CDA: variants seen among roughly 807,000 people sequenced by gnomAD.
CDA encodes cytidine deaminase.
In CDA, 7 loss-of-function variants were observed where a neutral mutation model predicts 15.0. That is an observed-to-expected ratio of 0.47 (90% CI 0.26 to 0.87). CDA has a LOEUF of 0.87. Ranked by LOEUF, CDA falls within the 40% of genes least tolerant of loss-of-function variation. CDA has a pLI of 0.15. For synonymous variants in CDA, 58 were observed against 73.0 expected (o/e 0.79, Z 1.05); for missense variants, 159 against 182.7 (o/e 0.87, Z 0.75).
intron 2 of CDA, among the ~76,000 whole-genome samples, chr1:20,613,484 C>A (rs146943036): frequency 2.0e-5 from 3 of 152,342 alleles, no homozygotes; most frequent in African/African-American, 7.2e-5. Context: ...GGATTACAGG[C>A]GTGAGCTACC....
intron 3 of CDA, among the ~76,000 whole-genome samples, chr1:20,614,488 C>G (rs985643219): frequency 1.3e-5 from 2 of 152,186 alleles, no homozygotes; most frequent in Non-Finnish European, 2.9e-5. Context: ...TGAGCCATTA[C>G]GACAAAGGCC....
chr1:20,618,898 C>T lies in CDA; in HGVS notation c.*330C>T, dbSNP rs960491774. The stretch of plus-strand genomic sequence containing the variant: ...TCTAATTATAAACATCACAGAACAT[C>T]CTGGATCAAAGCGTGTGTCTTGCTC... On this transcript the variant is annotated 3_prime_UTR_variant, in exon 4 of 4. Transcript: ENST00000375071. 2.8e-6 allele frequency: 1 copy of T among 355,460 alleles called. No homozygotes were observed. The highest frequency in any genetic ancestry group is 2.1e-5 in the African/African-American group (1 of 47,360). The allele number at this position is 355,460 out of a possible 1,614,324, so 22.0% of individuals were successfully genotyped here.
chr1:20,590,810 G>A (rs1009231013), intron 1 of CDA, among the ~76,000 whole-genome samples: 23 of 152,170 alleles, frequency 1.5e-4, no homozygotes, highest in Admixed American at 1.0e-3. Context: ...AATGAGATGA[G>A]TACGTTTGGA....
At chr1:20,609,652 G>C (rs769243138) in intron 2 of CDA, among the ~76,000 whole-genome samples, 4 of 152,212 alleles carry the variant, frequency 2.6e-5, no homozygotes, top group Non-Finnish European at 5.9e-5. Context: ...TCCCCCTCCA[G>C]AGGGTAAGCT....
chr1:20,602,693 TATA>T (rs200108464), intron 1 of CDA, among the ~76,000 whole-genome samples: 2,581 of 152,318 alleles, frequency 0.017, 72 homozygotes, highest in African/African-American at 0.059. Flanking sequence ...GTGCTGGGAT[TATA>T]GGCTTGAGCC....
chr1:20,602,613 G>A (rs1557548016), intron 1 of CDA, among the ~76,000 whole-genome samples: 1 of 152,020 alleles, frequency 6.6e-6, no homozygotes, highest in African/African-American at 2.4e-5. Context: ...TAGTAGACAG[G>A]GTTTCACCAT....
intron 1 of CDA, among the ~76,000 whole-genome samples, chr1:20,595,766 G>A (rs1052248032): frequency 7.9e-5 from 12 of 151,082 alleles, no homozygotes; most frequent in African/African-American, 2.0e-4. Flanking sequence ...CCTGAGCCCC[G>A]GTGGTGGAGA....
chr1:20,589,154 A>G lies in CDA; in HGVS notation c.25A>G (p.Thr9Ala), dbSNP rs1570373217. ...CATGGCCCAGAAGCGTCCTGCCTGC[A>G]CCCTGAAGCCTGAGTGTGTCCAGCA... The part of the protein sequence containing the change: MAQKRPAC[T>A]LKPECVQQLL... The change falls in exon 1 of 4, where the codon ACC becomes GCC. Residue 9 changes from threonine to alanine, a missense_variant. By Grantham distance (58) the Thr-to-Ala change is moderately conservative. Coordinates refer to ENST00000375071, the MANE Select transcript of CDA (RefSeq NM_001785.3). The G allele has an allele frequency of 6.2e-7, 1 of 1,614,082 alleles. No homozygotes were observed. The highest frequency in any genetic ancestry group is 1.1e-5 in the South Asian group (1 of 91,082).
At chr1:20,593,304 C>T (rs2052565330) in intron 1 of CDA, among the ~76,000 whole-genome samples, 1 of 152,102 alleles carries the variant, frequency 6.6e-6, no homozygotes, top group African/African-American at 2.4e-5. Context: ...ATTTAGATGA[C>T]CTCCTGTAAT....
chr1:20,591,845 T>G (rs7531198), intron 1 of CDA, among the ~76,000 whole-genome samples: 15,789 of 145,112 alleles, frequency 0.11, 931 homozygotes, highest in African/African-American at 0.14. Context: ...ATGGGTTTTT[T>G]TTTGTTTTTT....
At chr1:20,596,333 G>A (rs1316218508) in intron 1 of CDA, among the ~76,000 whole-genome samples, 4 of 152,140 alleles carry the variant, frequency 2.6e-5, no homozygotes, top group African/African-American at 4.8e-5. Flanking sequence ...ATTCTCAAAC[G>A]TGGTCCCAGA....
At chr1:20,595,016 G>A (rs570909568) in intron 1 of CDA, among the ~76,000 whole-genome samples, 63 of 152,124 alleles carry the variant, frequency 4.1e-4, no homozygotes, top group African/African-American at 1.4e-3. Flanking sequence ...ATGAGACCAC[G>A]ACAGTGCCAG....
intron 2 of CDA, among the ~76,000 whole-genome samples, chr1:20,610,261 C>CTTTTTTTTTTTTTTTTTTTTTTTT (rs760754305): frequency 1.1e-4 from 7 of 62,960 alleles, no homozygotes; most frequent in Admixed American, 2.2e-4. Context: ...CACACATTAT[C>CTTTTTTTTTTTTTTTTTTTTTTTT]TTTTTTTTTT....
intron 3 of CDA, among the ~76,000 whole-genome samples, chr1:20,617,112 C>G (rs1356656756): frequency 6.6e-6 from 1 of 152,200 alleles, no homozygotes; most frequent in African/African-American, 2.4e-5. Context: ...TGCTGATTAA[C>G]CTCTTGCCTA....
chr1:20,611,961 C>G (rs1307836105), intron 2 of CDA, among the ~76,000 whole-genome samples: 1 of 152,130 alleles, frequency 6.6e-6, no homozygotes, highest in African/African-American at 2.4e-5. Context: ...CTCCCAGGCT[C>G]GAGTGATCCT....
Position 20,614,007 on chromosome 1 carries a change from G to T in CDA, c.324+108G>T. The stretch of plus-strand genomic sequence containing the variant: ...CAGGCATGGCAGGCGTGGAGACACA[G>T]CTACTGTCCTGTTTGCTTGGTTGGC... On this transcript the variant is annotated intron_variant, in intron 3 of 3. Coordinates refer to ENST00000375071, the MANE Select transcript of CDA (RefSeq NM_001785.3). 2.6e-5 allele frequency: 25 copies of T among 979,050 alleles called. No individual in the cohort carries two copies. In the South Asian group the frequency reaches 3.3e-4, roughly 13 times the overall value. The allele number at this position is 979,050 out of a possible 1,614,324, so 60.6% of individuals were successfully genotyped here.
At chr1:20,618,400 C>A in intron 3 of CDA, 52 bp from the exon 4 acceptor site, 1 of 1,030,660 alleles carries the variant, frequency 9.7e-7, no homozygotes, top group Non-Finnish European at 1.5e-6. Flanking sequence ...CAGTCCGTCT[C>A]AGCCCCCTCA....
chr1:20,613,600 G>A (rs930364459), intron 2 of CDA, among the ~76,000 whole-genome samples: 1 of 152,228 alleles, frequency 6.6e-6, no homozygotes, highest in African/African-American at 2.4e-5. Flanking sequence ...GATGGTAAGT[G>A]CTCAGTAAAC....
chr1:20,600,764 AAAAAAG>A (rs1011336579), intron 1 of CDA, among the ~76,000 whole-genome samples: 4 of 151,504 alleles, frequency 2.6e-5, no homozygotes, highest in African/African-American at 7.3e-5. Context: ...AAAAAAAAAA[AAAAAAG>A]AAAAGAGAAG....
Sources: gnomAD v4.1 joint callset for allele counts (sites outside exome capture counted in the v4.1 genomes callset) on GRCh38, gnomAD v4.1.1 for gene constraint, MANE v1.5 for transcripts, NCBI Gene and HGNC (gene_info 2026-07-23, HGNC 2026-07-21) for gene names.